ERN1: variants seen among roughly 807,000 people sequenced by gnomAD.
The protein encoded by ERN1 is serine/threonine-protein kinase/endoribonuclease IRE1.
ERN1 carries 39 observed loss-of-function variants against 113.1 expected under a neutral mutation model. The observed-to-expected ratio is 0.34, with a 90% CI of 0.27 to 0.45. The LOEUF (loss-of-function observed/expected upper bound fraction) is 0.45. Ranked by LOEUF, ERN1 falls within the 20% of genes least tolerant of loss-of-function variation. The probability of loss-of-function intolerance (pLI) is 1.00; values close to 1 mark genes in which losing one functional copy is unlikely to be tolerated. For missense variants in ERN1, 976 were observed against 1,274.8 expected, an observed-to-expected ratio of 0.77 and a Z score of 3.57; for synonymous variants, 507 against 515.9, an observed-to-expected ratio of 0.98 and a Z score of 0.23.
Position 64,043,928 on chromosome 17 carries a change from T to C in ERN1, c.*60A>G, listed in dbSNP as rs993433513. On this transcript the variant is annotated 3_prime_UTR_variant, in exon 22 of 22. Coordinates refer to ENST00000433197, the MANE Select transcript of ERN1 (RefSeq NM_001433.5). The stretch of plus-strand genomic sequence containing the variant: ...AAAGCCGGGAGGCATCAAGCTCTAA[T>C]TGTGGTGACCAGGCCCTCAGTCACA... 15 of 1,181,784 alleles carry C rather than the reference T, an allele frequency of 1.3e-5. No homozygotes were observed. In the African/African-American group the frequency reaches 1.8e-4, roughly 14 times the overall value. The allele number at this position is 1,181,784 out of a possible 1,614,324, so 73.2% of individuals were successfully genotyped here.
intron 2 of ERN1, 24 bp downstream of exon 2, chr17:64,098,097 G>A (rs376049690): frequency 9.0e-5 from 145 of 1,612,504 alleles, no homozygotes; most frequent in Middle Eastern, 5.0e-4. Flanking sequence ...TGTCCATGTC[G>A]CCCAAGGACC....
chr17:64,110,635 A>C (rs1914646780), intron 1 of ERN1, among the ~76,000 whole-genome samples: 1 of 152,208 alleles, frequency 6.6e-6, no homozygotes, highest in South Asian at 2.1e-4. Context: ...GCATAAACTG[A>C]TGGGCCCCAC....
At chr17:64,073,140 G>A (rs141176520) in intron 5 of ERN1, among the ~76,000 whole-genome samples, 1 of 151,804 alleles carries the variant, frequency 6.6e-6, no homozygotes, top group African/African-American at 2.4e-5. Context: ...CCATAGTTGA[G>A]ACTACAGGCA....
At chr17:64,088,069 T>C (rs578059029) in intron 2 of ERN1, among the ~76,000 whole-genome samples, 22 of 152,298 alleles carry the variant, frequency 1.4e-4, no homozygotes, top group African/African-American at 4.1e-4. Flanking sequence ...CAGACTTCCT[T>C]CCATGTAGGA....
intron 19 of ERN1, among the ~76,000 whole-genome samples, chr17:64,046,253 G>A (rs1262381886): frequency 6.6e-6 from 1 of 152,244 alleles, no homozygotes; most frequent in Non-Finnish European, 1.5e-5. Flanking sequence ...TTGTCAGAGA[G>A]AAGCTGTGGA....
chr17:64,101,886 G>C (rs976818764), intron 1 of ERN1, among the ~76,000 whole-genome samples: 1 of 152,174 alleles, frequency 6.6e-6, no homozygotes, highest in Non-Finnish European at 1.5e-5. Context: ...TTTGCTACTA[G>C]TGGAAGCACT....
rs1424625977 is a variant in ERN1 at position 64,080,225 on chromosome 17, A to G, written c.210-491T>C. On this transcript the variant is annotated intron_variant, in intron 3 of 21. Transcript: ENST00000433197. Reference sequence around the variant, plus strand: ...AAGCAGACTCTAACAGCTTGACATCAGAGAGAACCCGCCAAGGGGACAGAT... The same window carrying G: ...AAGCAGACTCTAACAGCTTGACATCGGAGAGAACCCGCCAAGGGGACAGAT... Among the ~76,000 whole-genome samples the G allele has an allele frequency of 2.0e-5, 3 of 152,358 alleles. No homozygotes were observed. The East Asian group carries it at 5.8e-4, about 29-fold the overall frequency.
At chr17:64,081,937 C>T (rs750777158) in intron 2 of ERN1, among the ~76,000 whole-genome samples, 14 of 152,078 alleles carry the variant, frequency 9.2e-5, no homozygotes, top group South Asian at 2.1e-4. Context: ...AGACTCACAG[C>T]GATGAGGTAT....
rs1231264624 is a variant in ERN1 at position 64,066,857 on chromosome 17, A to G, written c.656T>C (p.Ile219Thr). ...VDSESGDVLW[I>T]QNYASPVVAF... ...CACCACAGGGGAGGCGTAGTTTTGG[A>G]TCCACAGGACGTCCCCAGATTCACT... Residue 219 changes from isoleucine (I) to threonine (T), a missense_variant, in exon 8 of 22, where the codon ATC becomes ACC. Coordinates refer to ENST00000433197, the MANE Select transcript of ERN1 (RefSeq NM_001433.5). The G allele has an allele frequency of 6.2e-7, 1 of 1,613,892 alleles. No homozygotes were observed. Among genetic ancestry groups the G allele is most frequent in the East Asian group, 2.2e-5 (1 of 44,878 alleles).
In ERN1 at chr17:64,044,051, G is replaced by C; in HGVS notation, c.2871C>G (p.Phe957Leu). The C allele has an allele frequency of 6.2e-7, 1 of 1,613,752 alleles. No homozygotes were observed. Among genetic ancestry groups the C allele is most frequent in the Non-Finnish European group, 8.5e-7 (1 of 1,179,816 alleles). Residue 957 changes from phenylalanine to leucine, a missense_variant, in exon 22 of 22, where the codon TTC (phenylalanine) becomes TTG (leucine). Transcript: ENST00000433197. This position sits in a 1 kb window ranked among gnomAD's most constrained non-coding sequence, Gnocchi z 4.1. ...GGGGCTCGTGGAAGTAGTAGGGCTG[G>C]AAGAGTCTCTCGTGGCTGCACAGCT... The part of the protein sequence containing the change: ...AMELCSHERL[F>L]QPYYFHEPPE...
intron 1 of ERN1, among the ~76,000 whole-genome samples, chr17:64,108,180 A>C (rs1914580155): frequency 6.6e-6 from 1 of 151,958 alleles, no homozygotes; most frequent in Non-Finnish European, 1.5e-5. Flanking sequence ...AGTTTAGGCT[A>C]CTGTCCTCCT....
intron 2 of ERN1, among the ~76,000 whole-genome samples, chr17:64,087,181 G>A (rs1913959346): frequency 6.6e-6 from 1 of 152,146 alleles, no homozygotes; most frequent in South Asian, 2.1e-4. Context: ...GCCATGTGGG[G>A]AAACTACACT....
At chr17:64,106,276 G>A (rs958579721) in intron 1 of ERN1, among the ~76,000 whole-genome samples, 1 of 152,226 alleles carries the variant, frequency 6.6e-6, no homozygotes, top group Non-Finnish European at 1.5e-5. Flanking sequence ...ATATAAGAAA[G>A]ATTTCCAAGA....
chr17:64,129,642 C>T, intron 1 of ERN1: 2 of 370,172 alleles, frequency 5.4e-6, no homozygotes, highest in Non-Finnish European at 9.6e-6. Flanking sequence ...AGGCCGGGGC[C>T]TTCTGGGACC....
At chr17:64,122,263 T>C (rs971887470) in intron 1 of ERN1, among the ~76,000 whole-genome samples, 6 of 152,136 alleles carry the variant, frequency 3.9e-5, no homozygotes, top group East Asian at 3.8e-4. Context: ...CAGAGCAGGG[T>C]AGTAATTTTT....
intron 5 of ERN1, among the ~76,000 whole-genome samples, chr17:64,073,552 T>G (rs964580195): frequency 3.4e-5 from 5 of 149,034 alleles, no homozygotes; most frequent in African/African-American, 1.2e-4. Context: ...AGTGCAGTGG[T>G]GCAATCTCAG....
chr17:64,048,000 A>G lies in ERN1; in HGVS notation c.2402-15T>C, dbSNP rs570708999. 3.1e-6 allele frequency: 5 copies of G among 1,600,602 alleles called. No homozygotes were observed. Among genetic ancestry groups the G allele is most frequent in the East Asian group, 2.2e-5 (1 of 44,784 alleles). On this transcript the variant is annotated splice_polypyrimidine_tract_variant and intron_variant, in intron 18 of 21. Coordinates refer to ENST00000433197, the MANE Select transcript of ERN1 (RefSeq NM_001433.5). ...AATGACGTCTTCTATAAAGGAGGAA[A>G]ATAAGCAACTCATGACTACCAGTCC... is the stretch of plus-strand genomic sequence containing the variant.
At chr17:64,105,884 G>C (rs1440632295) in intron 1 of ERN1, among the ~76,000 whole-genome samples, 2 of 152,022 alleles carry the variant, frequency 1.3e-5, no homozygotes, top group Non-Finnish European at 2.9e-5. Context: ...GAACCTGGGA[G>C]GCGGAGGTTG....
At chr17:64,056,397 G>A (rs891535801) in intron 12 of ERN1, among the ~76,000 whole-genome samples, 5 of 152,152 alleles carry the variant, frequency 3.3e-5, no homozygotes, top group East Asian at 1.9e-4. Flanking sequence ...AGAGGCTAGC[G>A]CACAGACACT....
Sources: allele counts gnomAD v4.1 joint callset (sites outside exome capture counted in the v4.1 genomes callset), GRCh38; gene constraint gnomAD v4.1.1; non-coding constraint Gnocchi (gnomAD v3.1); transcripts MANE v1.5; gene names NCBI Gene and HGNC (gene_info 2026-07-23, HGNC 2026-07-21).